Variants in NKAIN2 observed in about 807,000 individuals in gnomAD.
NKAIN2 encodes the protein sodium/potassium transporting ATPase interacting 2, also known as sodium/potassium-transporting ATPase subunit beta-1-interacting protein 2.
In NKAIN2, 14 loss-of-function variants were observed where a neutral mutation model predicts 32.6. That is an observed-to-expected ratio of 0.43 (90% CI 0.28 to 0.67). The LOEUF (loss-of-function observed/expected upper bound fraction) is 0.67, where lower values mean the gene tolerates loss of function less well. Ranked by LOEUF, NKAIN2 falls within the 30% of genes least tolerant of loss-of-function variation. NKAIN2 has a pLI of 0.17. For synonymous variants in NKAIN2, 80 were observed against 87.2 expected (o/e 0.92, Z 0.46); for missense variants, 198 against 258.3 (o/e 0.77, Z 1.60).
chr6:124,010,505 G>A (rs1477846909), intron 1 of NKAIN2, among the ~76,000 whole-genome samples: 1 of 150,150 alleles, frequency 6.7e-6, no homozygotes, highest in Non-Finnish European at 1.5e-5. Flanking sequence ...TGAGAAAGTT[G>A]AGTGTGTCAT....
At chr6:124,312,323 G>A (rs1375855729) in intron 2 of NKAIN2, among the ~76,000 whole-genome samples, 2 of 152,082 alleles carry the variant, frequency 1.3e-5, no homozygotes. Flanking sequence ...CACTCTACCT[G>A]GAGATAGCGT....
chr6:124,682,134 GT>G lies in NKAIN2; in HGVS notation c.474+23758del, dbSNP rs201372408. 4.3e-3 allele frequency among the ~76,000 whole-genome samples: 640 copies of G among 147,148 alleles called. 2 individuals are homozygous for G. The highest frequency in any genetic ancestry group is 8.7e-3 in the East Asian group (44 of 5,052). On this transcript the variant is annotated intron_variant, in intron 4 of 6. Transcript: ENST00000368417. ...CTTTTCATTTTCACCAGTAAAAAAT[GT>G]TTTTTTTTTACAAATAAAAATTATT...
chr6:124,594,509 A>T (rs10499127), intron 3 of NKAIN2, among the ~76,000 whole-genome samples: 1 of 152,162 alleles, frequency 6.6e-6, no homozygotes, highest in Admixed American at 6.5e-5. Context: ...GGATTAAGTC[A>T]TAAAGAGGAT....
intron 5 of NKAIN2, among the ~76,000 whole-genome samples, chr6:124,796,866 T>C (rs1011938520): frequency 6.6e-6 from 1 of 152,232 alleles, no homozygotes; most frequent in Non-Finnish European, 1.5e-5. Flanking sequence ...CTCTGCTGTC[T>C]CATCTGTCAC....
At chr6:124,147,610 A>G (rs1285871699) in intron 1 of NKAIN2, among the ~76,000 whole-genome samples, 1 of 151,780 alleles carries the variant, frequency 6.6e-6, no homozygotes, top group African/African-American at 2.4e-5. Context: ...GTCTTCAACA[A>G]AAAAAAAGCC....
At chr6:124,174,774 A>G (rs1789073669) in intron 1 of NKAIN2, among the ~76,000 whole-genome samples, 1 of 152,206 alleles carries the variant, frequency 6.6e-6, no homozygotes, top group African/African-American at 2.4e-5. Context: ...ATGAAAGAAA[A>G]GCAGGGAAAT....
Position 124,055,080 on chromosome 6 carries a change from G to C in NKAIN2, c.55-227925G>C, listed in dbSNP as rs186898282. The stretch of plus-strand genomic sequence containing the variant: ...TGTATTTCAAATACTATATCACCTA[G>C]ATTGTCTTATATATTGCTCATATTT... On this transcript the variant is annotated intron_variant, in intron 1 of 6. Transcript: ENST00000368417. Among the ~76,000 whole-genome samples the C allele has an allele frequency of 2.4e-4, 36 of 152,104 alleles. No individual in the cohort carries two copies. In the East Asian group the frequency reaches 5.4e-3, roughly 23 times the overall value.
chr6:123,985,891 T>TA (rs1024614665), intron 1 of NKAIN2, among the ~76,000 whole-genome samples: 2 of 152,136 alleles, frequency 1.3e-5, no homozygotes, highest in Non-Finnish European at 2.9e-5. Flanking sequence ...CAACAGCATC[T>TA]AAAAAAGCCT....
chr6:123,871,907 A>C (rs1047074924), intron 1 of NKAIN2, among the ~76,000 whole-genome samples: 3 of 152,182 alleles, frequency 2.0e-5, no homozygotes, highest in African/African-American at 4.8e-5. Context: ...TTATAATCTC[A>C]CATGAAAAAC....
At chr6:124,357,238 A>C (rs1452252728) in intron 3 of NKAIN2, among the ~76,000 whole-genome samples, 1 of 150,938 alleles carries the variant, frequency 6.6e-6, no homozygotes, top group African/African-American at 2.5e-5. Flanking sequence ...CAAATAACCT[A>C]AAAAAAAACC....
In NKAIN2 at chr6:124,550,641, G is replaced by C. The variant is rs543305780; in HGVS notation, c.274-107545G>C. On this transcript the variant is annotated intron_variant, in intron 3 of 6. Coordinates refer to ENST00000368417, the MANE Select transcript of NKAIN2 (RefSeq NM_001040214.3). ...AAGGATTTTGTATGATAGTGATGAG[G>C]ATTTCAAAGAGAGTGAAAAATTGAC... Among the ~76,000 whole-genome samples, 54 of 152,246 alleles carry C rather than the reference G, an allele frequency of 3.5e-4. 1 individual carries two copies. In the South Asian group the frequency reaches 6.4e-3, roughly 18 times the overall value.
intron 3 of NKAIN2, among the ~76,000 whole-genome samples, chr6:124,453,397 T>A (rs1776196013): frequency 7.0e-6 from 1 of 141,998 alleles, no homozygotes; most frequent in Non-Finnish European, 1.5e-5. Flanking sequence ...GAGGCTCCAA[T>A]CAAGCAATGA....
intron 6 of NKAIN2, 110 bp from the exon 7 acceptor site, chr6:124,823,110 T>C: frequency 1.3e-6 from 1 of 794,310 alleles, no homozygotes; most frequent in South Asian, 1.5e-5. Context: ...GGGCTTCTTT[T>C]TTGTTTGTTT....
intron 4 of NKAIN2, among the ~76,000 whole-genome samples, chr6:124,754,970 A>C (rs1390907694): frequency 6.6e-6 from 1 of 152,146 alleles, no homozygotes. Context: ...CAGAACTAAT[A>C]GGATATATGT....
At chr6:124,468,562 TACTC>T (rs1377220226) in intron 3 of NKAIN2, among the ~76,000 whole-genome samples, 1 of 152,220 alleles carries the variant, frequency 6.6e-6, no homozygotes, top group Non-Finnish European at 1.5e-5. Context: ...ACATGGTTAT[TACTC>T]AGCCCTCTTT....
intron 2 of NKAIN2, among the ~76,000 whole-genome samples, chr6:124,299,170 AAGC>A (rs971000311): frequency 2.6e-5 from 4 of 152,206 alleles, no homozygotes; most frequent in Non-Finnish European, 5.9e-5. Flanking sequence ...GAAGAGAAAG[AAGC>A]AGCAGCCACA....
chr6:124,319,428 A>T (rs191380636), intron 2 of NKAIN2, among the ~76,000 whole-genome samples: 2 of 152,110 alleles, frequency 1.3e-5, no homozygotes, highest in African/African-American at 4.8e-5. Flanking sequence ...GCATTCAGTA[A>T]CAGAGCATTT....
chr6:124,675,915 T>G (rs1233707767), intron 4 of NKAIN2, among the ~76,000 whole-genome samples: 2 of 151,932 alleles, frequency 1.3e-5, no homozygotes, highest in Non-Finnish European at 2.9e-5. Flanking sequence ...AGTTGTAAAG[T>G]TACATTGTTT....
At chr6:123,943,546 C>A (rs1776920676) in intron 1 of NKAIN2, among the ~76,000 whole-genome samples, 1 of 151,914 alleles carries the variant, frequency 6.6e-6, no homozygotes, top group African/African-American at 2.4e-5. Flanking sequence ...TTAAAAGCAG[C>A]CTCAGTCAGT....
Sources: allele counts gnomAD v4.1 joint callset (sites outside exome capture counted in the v4.1 genomes callset), GRCh38; gene constraint gnomAD v4.1.1; transcripts MANE v1.5; gene names NCBI Gene and HGNC (gene_info 2026-07-23, HGNC 2026-07-21).